PIK3C2G: variants seen among roughly 807,000 people sequenced by gnomAD.
PIK3C2G encodes the protein phosphatidylinositol 3-kinase C2 domain-containing subunit gamma.
PIK3C2G carries 168 observed loss-of-function variants against 181.1 expected under a neutral mutation model. That is an observed-to-expected ratio of 0.93 (90% CI 0.82 to 1.05). The LOEUF (loss-of-function observed/expected upper bound fraction) is 1.05, where lower values mean the gene tolerates loss of function less well. Among genes scored for constraint, PIK3C2G ranks in the 50% least tolerant of loss-of-function variants. The pLI is 0.00. For synonymous variants in PIK3C2G, 573 were observed against 592.2 expected (o/e 0.97, Z 0.47); for missense variants, 1,869 against 1,732.8 (o/e 1.08, Z -1.40).
intron 28 of PIK3C2G, among the ~76,000 whole-genome samples, chr12:18,564,969 T>A (rs567424675): frequency 3.3e-5 from 5 of 152,316 alleles, no homozygotes; most frequent in African/African-American, 1.2e-4. Flanking sequence ...TGGCCTCTTT[T>A]CAGTTTTCAG....
At chr12:18,373,777 C>T (rs1418165185) in intron 13 of PIK3C2G, among the ~76,000 whole-genome samples, 1 of 151,868 alleles carries the variant, frequency 6.6e-6, no homozygotes, top group Non-Finnish European at 1.5e-5. Context: ...GGCGTGAACC[C>T]GGGAGGCAGA....
chr12:18,450,540 C>A (rs965654447), intron 18 of PIK3C2G, among the ~76,000 whole-genome samples: 3 of 152,170 alleles, frequency 2.0e-5, no homozygotes, highest in African/African-American at 7.2e-5. Context: ...ATTTCCTGTT[C>A]ACTCTGATGA....
At chr12:18,517,507 G>A (rs2136167207) in intron 24 of PIK3C2G, among the ~76,000 whole-genome samples, 1 of 152,194 alleles carries the variant, frequency 6.6e-6, no homozygotes, top group South Asian at 2.1e-4. Context: ...GTGAATGGGA[G>A]TTCATTCATG....
the PIK3C2G span, chr12:18,701,866 A>G: frequency 6.6e-7 from 1 of 1,511,734 alleles, no homozygotes; most frequent in Non-Finnish European, 8.8e-7. Flanking sequence ...TATATTTCCA[A>G]TTAGCCTACA....
the PIK3C2G span, among the ~76,000 whole-genome samples, chr12:18,676,778 A>G: frequency 1.3e-5 from 2 of 152,136 alleles, no homozygotes; most frequent in Non-Finnish European, 2.9e-5. Flanking sequence ...AATAGGTGTT[A>G]GAAAAACTAG....
the PIK3C2G span, chr12:18,719,579 G>T: frequency 2.5e-6 from 4 of 1,605,878 alleles, no homozygotes; most frequent in Non-Finnish European, 3.4e-6. Context: ...AGACATTCAC[G>T]TGAATCCATG....
the PIK3C2G span, among the ~76,000 whole-genome samples, chr12:18,692,188 A>T: frequency 6.6e-6 from 1 of 152,160 alleles, no homozygotes; most frequent in African/African-American, 2.4e-5. Context: ...CTGGCCAGGG[A>T]CAGAAACATA....
At chr12:18,688,630 C>T in the PIK3C2G span, among the ~76,000 whole-genome samples, 1 of 151,618 alleles carries the variant, frequency 6.6e-6, no homozygotes, top group Non-Finnish European at 1.5e-5. Flanking sequence ...CCATTTAACT[C>T]CCTGTGATAG....
In PIK3C2G at chr12:18,409,439, C is replaced by G. The variant is rs12317656; in HGVS notation, c.2315+9592C>G. Among the ~76,000 whole-genome samples the G allele has an allele frequency of 1.9e-4, 29 of 152,056 alleles. No individual in the cohort carries two copies. In the East Asian group the frequency reaches 5.6e-3, roughly 29 times the overall value. On this transcript the variant is annotated intron_variant, in intron 16 of 32. Coordinates refer to ENST00000538779, the MANE Select transcript of PIK3C2G (RefSeq NM_001288772.2). Reference sequence around the variant, plus strand: ...GGAGGGATAGCATTAGGAGAAATACCTAATGTAGATGATGGGTTGATGGAT... The same window carrying G: ...GGAGGGATAGCATTAGGAGAAATACGTAATGTAGATGATGGGTTGATGGAT...
At chr12:18,402,972 C>T (rs551159811) in intron 16 of PIK3C2G, among the ~76,000 whole-genome samples, 1 of 152,182 alleles carries the variant, frequency 6.6e-6, no homozygotes, top group South Asian at 2.1e-4. Flanking sequence ...GTTATGTTGC[C>T]TCAAGTGCCC....
chr12:18,526,322 T>G (rs1240389344), intron 24 of PIK3C2G, among the ~76,000 whole-genome samples: 1 of 152,196 alleles, frequency 6.6e-6, no homozygotes, highest in Non-Finnish European at 1.5e-5. Flanking sequence ...TCACAATTGC[T>G]TTCTCAGAAA....
intron 3 of PIK3C2G, among the ~76,000 whole-genome samples, chr12:18,288,993 T>C (rs578262796): frequency 1.3e-5 from 2 of 152,044 alleles, no homozygotes; most frequent in East Asian, 1.9e-4. Flanking sequence ...AACTTTAGAG[T>C]AGTGAAAAGA....
At chr12:18,370,040 T>C (rs565198003) in intron 12 of PIK3C2G, among the ~76,000 whole-genome samples, 30 of 151,240 alleles carry the variant, frequency 2.0e-4, no homozygotes, top group African/African-American at 6.8e-4. Context: ...CATATGATCA[T>C]ATAACGATCG....
intron 1 of PIK3C2G, among the ~76,000 whole-genome samples, chr12:18,279,767 T>C (rs1949133825): frequency 6.6e-6 from 1 of 151,872 alleles, no homozygotes; most frequent in African/African-American, 2.4e-5. Context: ...GATATAGCTA[T>C]GTGACTCATG....
chr12:18,413,265 T>A (rs1944978908), intron 16 of PIK3C2G, among the ~76,000 whole-genome samples: 1 of 152,112 alleles, frequency 6.6e-6, no homozygotes, highest in Non-Finnish European at 1.5e-5. Flanking sequence ...TGGAGGCCAA[T>A]TAAATCCTGA....
intron 16 of PIK3C2G, among the ~76,000 whole-genome samples, chr12:18,409,415 G>C (rs1944727916): frequency 6.6e-6 from 1 of 152,110 alleles, no homozygotes; most frequent in African/African-American, 2.4e-5. Context: ...GGGGCTAGGG[G>C]AGGGATAGCA....
At chr12:18,496,011 T>A in intron 20 of PIK3C2G, 51 bp from the exon 21 acceptor site, 4 of 940,846 alleles carry the variant, frequency 4.3e-6, no homozygotes, top group Non-Finnish European at 6.3e-6. Context: ...TTTTGGGGAT[T>A]GGGGTCTGAT....
intron 29 of PIK3C2G, among the ~76,000 whole-genome samples, chr12:18,576,744 T>G (rs897848240): frequency 6.6e-6 from 1 of 152,180 alleles, no homozygotes; most frequent in African/African-American, 2.4e-5. Flanking sequence ...TTCATCACAT[T>G]GGGTTCCAAG....
At chr12:18,555,943 A>G (rs753249140) in intron 26 of PIK3C2G, among the ~76,000 whole-genome samples, 1 of 152,142 alleles carries the variant, frequency 6.6e-6, no homozygotes, top group African/African-American at 2.4e-5. Flanking sequence ...TATTGCTGAA[A>G]TAATTGGACT....
Sources: allele counts gnomAD v4.1 joint callset (sites outside exome capture counted in the v4.1 genomes callset), GRCh38; gene constraint gnomAD v4.1.1; transcripts MANE v1.5; gene names NCBI Gene and HGNC (gene_info 2026-07-23, HGNC 2026-07-21).